Variants in ITGA2 observed in about 807,000 individuals in gnomAD.
The protein encoded by ITGA2 is integrin subunit alpha 2.
A neutral mutation model predicts 146.3 loss-of-function variants in ITGA2; 101 were observed. The ratio of observed to expected loss-of-function variants is 0.69; its 90% CI spans 0.59 to 0.81. The LOEUF (loss-of-function observed/expected upper bound fraction) is 0.81. Among genes scored for constraint, ITGA2 ranks in the 40% least tolerant of loss-of-function variants. The pLI, the probability that ITGA2 is intolerant of heterozygous loss-of-function variation, is 0.00. For synonymous variants in ITGA2, 477 were observed against 487.1 expected (o/e 0.98, Z 0.27); for missense variants, 1,281 against 1,402.7 (o/e 0.91, Z 1.39).
chr5:53,011,922 T>C (rs1188961360), intron 1 of ITGA2, among the ~76,000 whole-genome samples: 2 of 152,150 alleles, frequency 1.3e-5, no homozygotes, highest in East Asian at 3.9e-4. Flanking sequence ...CAACTTAAAA[T>C]GTAAGTAATG....
intron 16 of ITGA2, among the ~76,000 whole-genome samples, chr5:53,068,586 C>G (rs765766780): frequency 6.6e-6 from 1 of 151,762 alleles, no homozygotes; most frequent in East Asian, 1.9e-4. Flanking sequence ...CACAGGCTGC[C>G]GAGGGTTTCT....
chr5:53,000,236 A>C (rs1156628923), intron 1 of ITGA2, among the ~76,000 whole-genome samples: 1 of 152,160 alleles, frequency 6.6e-6, no homozygotes, highest in Admixed American at 6.5e-5. Flanking sequence ...TCATCACCAG[A>C]TTGCTAAGAG....
chr5:53,093,571 A>G lies in ITGA2; in HGVS notation c.*2972A>G, dbSNP rs1377719531. 1 of 152,154 alleles carries G rather than the reference A, an allele frequency of 6.6e-6. No homozygotes were observed. The highest frequency in any genetic ancestry group is 1.5e-5 in the Non-Finnish European group (1 of 68,022). The allele number at this position is 152,154 out of a possible 1,614,324, so 9.4% of individuals were successfully genotyped here. On this transcript the variant is annotated 3_prime_UTR_variant, in exon 30 of 30. Coordinates refer to ENST00000296585, the MANE Select transcript of ITGA2 (RefSeq NM_002203.4). ...TGACAATCAAAAAATGTCTCCAGAC[A>G]TTGTCAAATGCCTCCTGGGGGGCAG...
intron 2 of ITGA2, among the ~76,000 whole-genome samples, chr5:53,028,382 G>A (rs776979232): frequency 1.4e-4 from 22 of 152,290 alleles, no homozygotes; most frequent in Non-Finnish European, 2.5e-4. Flanking sequence ...GATACAGTTT[G>A]TCAATTGTCT....
chr5:52,992,539 C>T (rs557124272), intron 1 of ITGA2, among the ~76,000 whole-genome samples: 1 of 152,334 alleles, frequency 6.6e-6, no homozygotes, highest in African/African-American at 2.4e-5. Flanking sequence ...ATCACACAAA[C>T]ATGAAAGCCA....
intron 15 of ITGA2, 76 bp downstream of exon 15, chr5:53,066,053 A>T: frequency 2.2e-6 from 3 of 1,343,300 alleles, no homozygotes; most frequent in Non-Finnish European, 3.2e-6. Context: ...CTGTACTGGT[A>T]TTATAGAAAT....
intron 1 of ITGA2, among the ~76,000 whole-genome samples, chr5:53,018,722 T>C (rs1260368840): frequency 6.6e-6 from 1 of 152,212 alleles, no homozygotes; most frequent in African/African-American, 2.4e-5. Context: ...ATTACATTTA[T>C]TCTTGAAGAG....
intron 4 of ITGA2, among the ~76,000 whole-genome samples, chr5:53,046,725 C>G (rs775542021): frequency 6.6e-6 from 1 of 151,638 alleles, no homozygotes; most frequent in Non-Finnish European, 1.5e-5. Flanking sequence ...AAAGAAAAAA[C>G]CCAAAGTTTC....
intron 25 of ITGA2, 35 bp from the exon 26 acceptor site, chr5:53,081,557 C>T: frequency 6.8e-7 from 1 of 1,477,204 alleles, no homozygotes; most frequent in South Asian, 1.2e-5. Flanking sequence ...AACTGTTTTG[C>T]TTCTGAAGTC....
chr5:53,057,402 C>T (rs1034752818), intron 9 of ITGA2, among the ~76,000 whole-genome samples: 1 of 152,024 alleles, frequency 6.6e-6, no homozygotes, highest in Non-Finnish European at 1.5e-5. Context: ...TTTGATCACA[C>T]TGTATGGAAA....
intron 1 of ITGA2, among the ~76,000 whole-genome samples, chr5:52,995,938 G>A (rs900736127): frequency 1.3e-5 from 2 of 152,162 alleles, no homozygotes; most frequent in Non-Finnish European, 2.9e-5. Flanking sequence ...AAGAACTGGG[G>A]TAGCACAGAA....
At chr5:53,015,886 G>T (rs1436710233) in intron 1 of ITGA2, among the ~76,000 whole-genome samples, 2 of 152,028 alleles carry the variant, frequency 1.3e-5, no homozygotes, top group East Asian at 1.9e-4. Context: ...AGTCAATTTT[G>T]TCTGAAATTA....
rs189581732 is a variant in ITGA2 at position 53,019,668 on chromosome 5, G to C, written c.65-7080G>C. Among the ~76,000 whole-genome samples the C allele has an allele frequency of 1.2e-3, 180 of 152,272 alleles. 2 individuals are homozygous for C. The South Asian group carries it at 0.027, about 23-fold the overall frequency. ...ACCCTGCCATGTAGCTGGGAGTACA[G>C]GCATGTGCCACCATGCCCAGCTATT... is the stretch of plus-strand genomic sequence containing the variant. On this transcript the variant is annotated intron_variant, in intron 1 of 29. Transcript: ENST00000296585.
chr5:53,058,904 C>G (rs920107117), intron 10 of ITGA2, among the ~76,000 whole-genome samples: 1 of 151,908 alleles, frequency 6.6e-6, no homozygotes, highest in African/African-American at 2.4e-5. Context: ...TGCACACAAT[C>G]CCATGAGGTT....
In ITGA2 at chr5:53,000,505, C is replaced by G. The variant is rs1579777662; in HGVS notation, c.64+10973C>G. ...TAATTCTTTATGTTTCTTACTCTCTCTACTGTATTGTCCCTCCATATGTCT... is the reference window on the plus strand; with the variant it reads ...TAATTCTTTATGTTTCTTACTCTCTGTACTGTATTGTCCCTCCATATGTCT... On this transcript the variant is annotated intron_variant, in intron 1 of 29. Coordinates refer to ENST00000296585, the MANE Select transcript of ITGA2 (RefSeq NM_002203.4). Among the ~76,000 whole-genome samples the G allele has an allele frequency of 2.0e-5, 3 of 152,158 alleles. No homozygotes were observed. In the South Asian group the frequency reaches 6.2e-4, roughly 32 times the overall value.
chr5:53,033,038 C>A (rs767307607), intron 2 of ITGA2, among the ~76,000 whole-genome samples: 1 of 152,036 alleles, frequency 6.6e-6, no homozygotes, highest in Non-Finnish European at 1.5e-5. Flanking sequence ...GAGGCCAAGG[C>A]GGGCGGATCA....
chr5:52,994,938 C>A (rs1279405985), intron 1 of ITGA2, among the ~76,000 whole-genome samples: 1 of 152,110 alleles, frequency 6.6e-6, no homozygotes, highest in Non-Finnish European at 1.5e-5. Flanking sequence ...AGAATCATTA[C>A]AATTTAGATC....
chr5:53,061,329 G>T (rs1744898860), intron 12 of ITGA2, among the ~76,000 whole-genome samples: 1 of 151,896 alleles, frequency 6.6e-6, no homozygotes, highest in Non-Finnish European at 1.5e-5. Flanking sequence ...CTCAGAGGCT[G>T]TCCTGAATGA....
rs1375467542 is a variant in ITGA2, at chr5:53,092,337, C to G, written c.*1738C>G. On this transcript the variant is annotated 3_prime_UTR_variant, in exon 30 of 30. Transcript: ENST00000296585. ...ACTTCCTATAATACAAATACACAAT[C>G]CTCCAAGAATTTGACTTGGAAAAAA... The G allele has an allele frequency of 6.6e-6, 1 of 151,952 alleles. No homozygotes were observed. Among genetic ancestry groups the G allele is most frequent in the Non-Finnish European group, 1.5e-5 (1 of 67,974 alleles). The allele number at this position is 151,952 out of a possible 1,614,324, so 9.4% of individuals were successfully genotyped here. A position where few individuals can be genotyped will look rare whatever the true frequency, so the allele number is the denominator to read the frequency against.
Sources: gnomAD v4.1 joint callset for allele counts (sites outside exome capture counted in the v4.1 genomes callset) on GRCh38, gnomAD v4.1.1 for gene constraint, MANE v1.5 for transcripts, NCBI Gene and HGNC (gene_info 2026-07-23, HGNC 2026-07-21) for gene names.